Variants in PDE4D observed in about 807,000 individuals in gnomAD.
PDE4D encodes 3',5'-cyclic-AMP phosphodiesterase 4D.
A neutral mutation model predicts 87.4 loss-of-function variants in PDE4D; 24 were observed. That is an observed-to-expected ratio of 0.27 (90% CI 0.20 to 0.39). The LOEUF is 0.39. PDE4D is among the 10% of genes least tolerant of loss of function. The probability of loss-of-function intolerance (pLI) is 1.00; values close to 1 mark genes in which losing one functional copy is unlikely to be tolerated. For missense variants in PDE4D, 714 were observed against 1,041.0 expected, an observed-to-expected ratio of 0.69 and a Z score of 4.32; for synonymous variants, 384 against 383.2, an observed-to-expected ratio of 1.00 and a Z score of -0.02.
intron 3 of PDE4D, among the ~76,000 whole-genome samples, chr5:59,974,556 C>CCATTG (rs905528696): frequency 9.9e-5 from 15 of 152,238 alleles, no homozygotes; most frequent in Non-Finnish European, 1.8e-4. Context: ...CCCAAGGACA[C>CCATTG]CATTGCAGAC....
intron 6 of PDE4D, among the ~76,000 whole-genome samples, chr5:59,004,813 G>C (rs1751268932): frequency 6.6e-6 from 1 of 152,124 alleles, no homozygotes; most frequent in Non-Finnish European, 1.5e-5. Flanking sequence ...TAGCCTCCCT[G>C]GCCTCTGCCC....
chr5:59,932,253 TG>T (rs1399706167), intron 3 of PDE4D, among the ~76,000 whole-genome samples: 2 of 152,188 alleles, frequency 1.3e-5, no homozygotes, highest in Non-Finnish European at 2.9e-5. Context: ...CAACAGATAA[TG>T]TATTGAGCAC....
intron 2 of PDE4D, among the ~76,000 whole-genome samples, chr5:60,104,283 T>G (rs864064): frequency 0.43 from 65,881 of 152,008 alleles, 15,005 homozygotes; most frequent in East Asian, 0.75. Context: ...GAGATCAAAC[T>G]GCAAGGTGGC....
intron 1 of PDE4D, among the ~76,000 whole-genome samples, chr5:60,407,544 C>T (rs1021711740): frequency 4.1e-5 from 6 of 146,878 alleles, no homozygotes; most frequent in Non-Finnish European, 8.9e-5. Flanking sequence ...ACCTTCGCCT[C>T]CCAGGTTCAA....
In PDE4D at chr5:59,800,442, A is replaced by G. The variant is rs140101022; in HGVS notation, c.455+92726T>C. On this transcript the variant is annotated intron_variant, in intron 1 of 14. Coordinates refer to ENST00000340635, the MANE Select transcript of PDE4D (RefSeq NM_001104631.2). ...GTATCAAGTGCTGCTATTCTCAATTACCCTTAAAACTTAGATGGGCTTGCA... is the reference window on the plus strand; with the variant it reads ...GTATCAAGTGCTGCTATTCTCAATTGCCCTTAAAACTTAGATGGGCTTGCA... Among the ~76,000 whole-genome samples the G allele has an allele frequency of 5.9e-5, 9 of 152,320 alleles. No individual in the cohort carries two copies. In the East Asian group the frequency reaches 1.7e-3, roughly 29 times the overall value.
intron 1 of PDE4D, among the ~76,000 whole-genome samples, chr5:60,289,085 T>G (rs1317435901): frequency 6.6e-6 from 1 of 152,152 alleles, no homozygotes; most frequent in Non-Finnish European, 1.5e-5. Context: ...CGTCACTACG[T>G]TTTTGCAGCT....
chr5:59,139,567 A>T (rs140661168), intron 5 of PDE4D, among the ~76,000 whole-genome samples: 3 of 152,296 alleles, frequency 2.0e-5, no homozygotes, highest in Non-Finnish European at 2.9e-5. Flanking sequence ...GGCTCACTGC[A>T]GTCTCAACCT....
intron 1 of PDE4D, among the ~76,000 whole-genome samples, chr5:59,273,353 A>G (rs1561858543): frequency 6.7e-6 from 1 of 150,298 alleles, no homozygotes; most frequent in Non-Finnish European, 1.5e-5. Flanking sequence ...ATGTGTATAC[A>G]TATATATACA....
chr5:59,842,248 T>C (rs956332303), intron 1 of PDE4D, among the ~76,000 whole-genome samples: 2 of 151,928 alleles, frequency 1.3e-5, no homozygotes, highest in East Asian at 3.9e-4. Context: ...AGAAGTGAAA[T>C]GACTTGGGGA....
At chr5:59,430,258 C>A in intron 1 of PDE4D, 4 of 1,230,576 alleles carry the variant, frequency 3.3e-6, no homozygotes, top group Non-Finnish European at 3.0e-6. Flanking sequence ...AACACATTTT[C>A]ACTGACAAAC....
chr5:59,692,654 T>C (rs1751160652), intron 1 of PDE4D, among the ~76,000 whole-genome samples: 1 of 152,172 alleles, frequency 6.6e-6, no homozygotes, highest in African/African-American at 2.4e-5. Context: ...CTAGATTCTA[T>C]GTTGGCTGAG....
intron 1 of PDE4D, among the ~76,000 whole-genome samples, chr5:59,827,981 T>G (rs775215361): frequency 6.6e-6 from 1 of 152,116 alleles, no homozygotes; most frequent in Non-Finnish European, 1.5e-5. Flanking sequence ...ACATAATTGT[T>G]TATAGAGATT....
At chr5:59,969,516 C>T (rs1390025196) in intron 3 of PDE4D, among the ~76,000 whole-genome samples, 1 of 152,162 alleles carries the variant, frequency 6.6e-6, no homozygotes, top group Non-Finnish European at 1.5e-5. Context: ...CAGGTCTTGA[C>T]CCTGATGATA....
At chr5:59,678,286 T>C (rs1428458951) in intron 1 of PDE4D, among the ~76,000 whole-genome samples, 1 of 152,176 alleles carries the variant, frequency 6.6e-6, no homozygotes, top group East Asian at 1.9e-4. Context: ...TATAAATAAA[T>C]ATAAATACAA....
chr5:59,914,834 T>C (rs1236056323), intron 3 of PDE4D, among the ~76,000 whole-genome samples: 1 of 139,160 alleles, frequency 7.2e-6, no homozygotes, highest in African/African-American at 2.7e-5. Context: ...AGGGGAAGTA[T>C]AGTTAAGGCT....
At chr5:59,185,831 A>G (rs1489086014) in intron 3 of PDE4D, among the ~76,000 whole-genome samples, 1 of 152,208 alleles carries the variant, frequency 6.6e-6, no homozygotes, top group Non-Finnish European at 1.5e-5. Flanking sequence ...TTTCTTATGT[A>G]AAATGCTACG....
chr5:59,751,761 G>T (rs1321869844), intron 1 of PDE4D, among the ~76,000 whole-genome samples: 1 of 151,824 alleles, frequency 6.6e-6, no homozygotes, highest in Non-Finnish European at 1.5e-5. Flanking sequence ...CTATTCCCTT[G>T]GTGAGAAAAC....
intron 1 of PDE4D, among the ~76,000 whole-genome samples, chr5:60,187,104 T>A (rs1784843703): frequency 6.6e-6 from 1 of 152,186 alleles, no homozygotes; most frequent in South Asian, 2.1e-4. Flanking sequence ...AAAGCCTTCT[T>A]CCAAGGTTGA....
At chr5:60,464,079 T>C (rs1024840334) in intron 1 of PDE4D, among the ~76,000 whole-genome samples, 4 of 152,170 alleles carry the variant, frequency 2.6e-5, no homozygotes, top group African/African-American at 9.7e-5. Flanking sequence ...TGTGGGCTTT[T>C]TGTTAAATTA....
Sources: allele counts gnomAD v4.1 joint callset (sites outside exome capture counted in the v4.1 genomes callset), GRCh38; gene constraint gnomAD v4.1.1; transcripts MANE v1.5; gene names NCBI Gene and HGNC (gene_info 2026-07-23, HGNC 2026-07-21).